The following OVCH1 variants were observed in gnomAD, a reference collection of about 807,000 sequenced individuals.
OVCH1 encodes ovochymase-1.
A neutral mutation model predicts 138.4 loss-of-function variants in OVCH1; 139 were observed. The observed-to-expected ratio is 1.00, with a 90% CI of 0.87 to 1.16. The LOEUF (loss-of-function observed/expected upper bound fraction) is 1.16. Among genes scored for constraint, OVCH1 ranks in the 50% most tolerant of loss-of-function variants. The pLI is 0.00. For missense variants in OVCH1, 1,367 were observed against 1,357.9 expected (o/e 1.01, Z -0.11); for synonymous variants, 453 against 467.8 (o/e 0.97, Z 0.41).
chr12:29,432,144 T>C (rs546910966), intron 27 of OVCH1, among the ~76,000 whole-genome samples: 7 of 152,254 alleles, frequency 4.6e-5, no homozygotes, highest in African/African-American at 1.7e-4. Context: ...GGGGAAGACA[T>C]CAAAGGGATA....
At chr12:29,454,849 G>T in exon 21 of OVCH1, 1 of 1,607,702 alleles carries the variant, frequency 6.2e-7, no homozygotes, top group Non-Finnish European at 8.5e-7. Flanking sequence ...ACCTGGCCAA[G>T]ATGCACTGTC....
At chr12:29,407,133 G>A in the OVCH1 span, among the ~76,000 whole-genome samples, 6 of 151,588 alleles carry the variant, frequency 4.0e-5, no homozygotes, top group Middle Eastern at 3.4e-3. Context: ...CATGTCCTTC[G>A]CCCACTTCTT....
intron 27 of OVCH1, among the ~76,000 whole-genome samples, chr12:29,432,560 T>G (rs1941288313): frequency 6.6e-6 from 1 of 152,138 alleles, no homozygotes; most frequent in African/African-American, 2.4e-5. Context: ...TTTGAGATTC[T>G]TATTAGATAG....
At chr12:29,428,898 C>A (rs1393078701) in intron 27 of OVCH1, among the ~76,000 whole-genome samples, 2 of 152,206 alleles carry the variant, frequency 1.3e-5, no homozygotes, top group Non-Finnish European at 2.9e-5. Flanking sequence ...TGATGGAATA[C>A]TGCCAAATGC....
At chr12:29,415,428 C>T (rs563898303) in intron 3 of OVCH1, among the ~76,000 whole-genome samples, 1 of 152,266 alleles carries the variant, frequency 6.6e-6, no homozygotes, top group South Asian at 2.1e-4. Context: ...TTAACCTTGG[C>T]TGCACATTAA....
intron 16 of OVCH1, among the ~76,000 whole-genome samples, chr12:29,468,860 C>T (rs1219203556): frequency 6.6e-6 from 1 of 152,126 alleles, no homozygotes; most frequent in Admixed American, 6.6e-5. Flanking sequence ...CAACAATGTG[C>T]TACTAGCAAC....
rs371906509 is a variant in OVCH1 at position 29,471,788 on chromosome 12, C to A, written c.1856+14G>T. 8 of 1,598,622 alleles carry A rather than the reference C, an allele frequency of 5.0e-6. No individual in the cohort carries two copies. The highest frequency in any genetic ancestry group is 6.8e-6 in the Non-Finnish European group (8 of 1,172,370). Reference sequence around the variant, plus strand: ...ATGTGCTAAATAGGTTGGTAAAATACCAGTTTCACTCACAATTGCACACAG... The same window carrying A: ...ATGTGCTAAATAGGTTGGTAAAATAACAGTTTCACTCACAATTGCACACAG... On this transcript the variant is annotated intron_variant, in intron 16 of 27. Coordinates refer to ENST00000318184, the Ensembl canonical transcript of OVCH1.
At chr12:29,460,978 A>G (rs988585211) in intron 19 of OVCH1, among the ~76,000 whole-genome samples, 2 of 152,216 alleles carry the variant, frequency 1.3e-5, no homozygotes, top group Non-Finnish European at 1.5e-5. Context: ...TGCCTCTCTC[A>G]TATTTTCACA....
intron 3 of OVCH1, 62 bp from the exon 4 acceptor site, chr12:29,495,519 G>T (rs1943391409): frequency 7.0e-7 from 1 of 1,434,908 alleles, no homozygotes; most frequent in Non-Finnish European, 9.5e-7. Context: ...TTCTTGGTTT[G>T]ATGTAATTAA....
intron 16 of OVCH1, among the ~76,000 whole-genome samples, chr12:29,468,561 T>C (rs1457960323): frequency 6.6e-6 from 1 of 152,188 alleles, no homozygotes; most frequent in African/African-American, 2.4e-5. Flanking sequence ...GTCTCTGTAC[T>C]CAATACTAAT....
At chr12:29,492,345 C>T (rs755676472) in intron 4 of OVCH1, among the ~76,000 whole-genome samples, 2 of 150,680 alleles carry the variant, frequency 1.3e-5, no homozygotes, top group Non-Finnish European at 3.0e-5. Context: ...AAAAAATAAA[C>T]AAATCAGAGG....
intron 4 of OVCH1, among the ~76,000 whole-genome samples, chr12:29,493,603 CACCT>C (rs1943332043): frequency 6.6e-6 from 1 of 152,130 alleles, no homozygotes; most frequent in Non-Finnish European, 1.5e-5. Context: ...TAGTTCCATA[CACCT>C]AATCTAACCT....
chr12:29,406,839 T>C, the OVCH1 span, among the ~76,000 whole-genome samples: 1 of 138,128 alleles, frequency 7.2e-6, no homozygotes, highest in Non-Finnish European at 1.6e-5. Context: ...GATGGCTGGG[T>C]CAAATGGTAT....
chr12:29,454,037 G>A (rs74078156), intron 21 of OVCH1, among the ~76,000 whole-genome samples: 3,759 of 152,116 alleles, frequency 0.025, 137 homozygotes, highest in African/African-American at 0.084. Flanking sequence ...GCCATCAGAA[G>A]AGAAATTCCA....
chr12:29,425,301 G>A (rs1941163594), downstream of OVCH1, among the ~76,000 whole-genome samples: 1 of 152,304 alleles, frequency 6.6e-6, no homozygotes, highest in East Asian at 1.9e-4. Context: ...TATAAAGCCT[G>A]TAGGTTGAAG....
intron 22 of OVCH1, 126 bp from the exon 23 acceptor site, chr12:29,445,529 A>T: frequency 1.0e-6 from 1 of 969,324 alleles, no homozygotes; most frequent in Non-Finnish European, 1.5e-6. Context: ...AAAATGATGA[A>T]ACAGGACTCC....
chr12:29,425,616 AATTT>A (rs1229192156), downstream of OVCH1, among the ~76,000 whole-genome samples: 2 of 152,196 alleles, frequency 1.3e-5, no homozygotes, highest in Non-Finnish European at 2.9e-5. Flanking sequence ...CACTGGAGGC[AATTT>A]ATTTAACAGT....
chr12:29,472,850 A>G (rs541591727), intron 15 of OVCH1, among the ~76,000 whole-genome samples, 179 bp downstream of exon 15: 1 of 152,310 alleles, frequency 6.6e-6, no homozygotes, highest in African/African-American at 2.4e-5. Flanking sequence ...TCTTCCCTCT[A>G]TTTATGAGTC....
At chr12:29,453,755 G>A (rs1941864155) in intron 21 of OVCH1, among the ~76,000 whole-genome samples, 1 of 151,866 alleles carries the variant, frequency 6.6e-6, no homozygotes, top group South Asian at 2.1e-4. Context: ...CATACTTGGG[G>A]ATACTCCACT....
Sources: gnomAD v4.1 joint callset for allele counts (sites outside exome capture counted in the v4.1 genomes callset) on GRCh38, gnomAD v4.1.1 for gene constraint, MANE v1.5 for transcripts, NCBI Gene and HGNC (gene_info 2026-07-23, HGNC 2026-07-21) for gene names.